The following TNFRSF1B variants were observed in gnomAD, a reference collection of about 807,000 sequenced individuals.
TNFRSF1B encodes TNF receptor superfamily member 1B, also known as tumor necrosis factor receptor superfamily member 1B.
A neutral mutation model predicts 44.6 loss-of-function variants in TNFRSF1B; 19 were observed. That is an observed-to-expected ratio of 0.43 (90% CI 0.30 to 0.62). The LOEUF (loss-of-function observed/expected upper bound fraction) is 0.62, where lower values mean the gene tolerates loss of function less well. TNFRSF1B is among the 20% of genes least tolerant of loss of function. The pLI, the probability that TNFRSF1B is intolerant of heterozygous loss-of-function variation, is 0.16. For synonymous variants in TNFRSF1B, 252 were observed against 261.1 expected, an observed-to-expected ratio of 0.97 and a Z score of 0.34; for missense variants, 541 against 619.9, an observed-to-expected ratio of 0.87 and a Z score of 1.35.
chr1:12,175,096 C>T (rs573592196), intron 1 of TNFRSF1B, among the ~76,000 whole-genome samples: 20 of 152,202 alleles, frequency 1.3e-4, no homozygotes, highest in African/African-American at 4.3e-4. Flanking sequence ...TGGAGGCAGG[C>T]GGGCTGTGGA....
At chr1:12,201,220 C>T (rs1639383911) in intron 8 of TNFRSF1B, among the ~76,000 whole-genome samples, 1 of 146,756 alleles carries the variant, frequency 6.8e-6, no homozygotes, top group Non-Finnish European at 1.5e-5. Flanking sequence ...ATGATTGTGC[C>T]ACTCCACTCC....
chr1:12,167,246 G>A (rs1033339531), intron 1 of TNFRSF1B, 77 bp downstream of exon 1: 95 of 1,103,110 alleles, frequency 8.6e-5, no homozygotes, highest in Non-Finnish European at 1.0e-4. Context: ...TCGGGTGCCC[G>A]GGCCGCGCTC....
At chr1:12,205,020 A>G (rs1030910586) in intron 9 of TNFRSF1B, among the ~76,000 whole-genome samples, 1 of 152,054 alleles carries the variant, frequency 6.6e-6, no homozygotes, top group Non-Finnish European at 1.5e-5. Context: ...TACTAAAAAA[A>G]TAAAAAAAAA....
chr1:12,201,835 G>C (rs1484991394), intron 8 of TNFRSF1B, 132 bp from the exon 9 acceptor site: 3 of 1,283,672 alleles, frequency 2.3e-6, no homozygotes, highest in African/African-American at 3.0e-5. Flanking sequence ...AACGTGCAAG[G>C]GTGGGCAGAA....
chr1:12,205,661 G>A (rs1410281528), intron 9 of TNFRSF1B, among the ~76,000 whole-genome samples: 1 of 152,076 alleles, frequency 6.6e-6, no homozygotes, highest in African/African-American at 2.4e-5. Flanking sequence ...TGGCTCTTTC[G>A]CCCAGGCTGG....
Position 12,169,038 on chromosome 1 carries a change from T to C in TNFRSF1B, c.78+1869T>C, listed in dbSNP as rs1638463304. 6.6e-6 allele frequency among the ~76,000 whole-genome samples: 1 copy of C among 152,214 alleles called. No individual in the cohort carries two copies. Among genetic ancestry groups the C allele is most frequent in the South Asian group, 2.1e-4 (1 of 4,834 alleles). Reference sequence around the variant, plus strand: ...GTCATTGTGCAAAAAGCATTGTCCGTGCCATCCCCTCTCCAAGGGACACTT... The same window carrying C: ...GTCATTGTGCAAAAAGCATTGTCCGCGCCATCCCCTCTCCAAGGGACACTT... On this transcript the variant is annotated intron_variant, in intron 1 of 9. Coordinates refer to ENST00000376259, the MANE Select transcript of TNFRSF1B (RefSeq NM_001066.3). This position sits in a 1 kb window ranked among gnomAD's most constrained non-coding sequence, Gnocchi z 4.5.
chr1:12,177,743 G>A lies in TNFRSF1B; in HGVS notation c.78+10574G>A, dbSNP rs1335587713. On this transcript the variant is annotated intron_variant, in intron 1 of 9. Coordinates refer to ENST00000376259, the MANE Select transcript of TNFRSF1B (RefSeq NM_001066.3). This position sits in a 1 kb window ranked among gnomAD's most constrained non-coding sequence, Gnocchi z 4.3. ...TGGGAGGCGGAGTTTGCAGTGAACC[G>A]AGATCGCGCCATTGCACTCCAGCCT... Among the ~76,000 whole-genome samples, 3 of 150,924 alleles carry A rather than the reference G, an allele frequency of 2.0e-5. No homozygotes were observed. The highest frequency in any genetic ancestry group is 4.4e-5 in the Non-Finnish European group (3 of 67,840).
Position 12,177,092 on chromosome 1 carries a change from T to A in TNFRSF1B, c.78+9923T>A, listed in dbSNP as rs1638676072. Among the ~76,000 whole-genome samples the A allele has an allele frequency of 6.6e-6, 1 of 152,158 alleles. No homozygotes were observed. Among genetic ancestry groups the A allele is most frequent in the African/African-American group, 2.4e-5 (1 of 41,444 alleles). ...ATCTTGGCTCACTGCAACCTCTGCC[T>A]TCTGAGTTCAAGCGATTCTCCCACC... On this transcript the variant is annotated intron_variant, in intron 1 of 9. Transcript: ENST00000376259. The surrounding 1 kb of genome is among the most constrained non-coding windows in gnomAD (Gnocchi z 4.3).
In TNFRSF1B at chr1:12,167,083, C is replaced by A; in HGVS notation, c.-9C>A. ...GAGGGCAGGGGGCAACCGGACCCCGCCCGCACCCATGGCGCCCGTCGCCGT... is the reference window on the plus strand; with the variant it reads ...GAGGGCAGGGGGCAACCGGACCCCGACCGCACCCATGGCGCCCGTCGCCGT... On this transcript the variant is annotated 5_prime_UTR_variant, in exon 1 of 10. Transcript: ENST00000376259. 7.6e-7 allele frequency: 1 copy of A among 1,321,462 alleles called. No individual in the cohort carries two copies. Among genetic ancestry groups the A allele is most frequent in the Non-Finnish European group, 9.7e-7 (1 of 1,033,776 alleles). The allele number at this position is 1,321,462 out of a possible 1,614,324, so 81.9% of individuals were successfully genotyped here. A position where few individuals can be genotyped will look rare whatever the true frequency, so the allele number is the denominator to read the frequency against.
At position 12,177,270 on chromosome 1, in the gene TNFRSF1B, G is replaced by A. The variant is rs552620312; in HGVS notation, c.78+10101G>A. Among the ~76,000 whole-genome samples, 1 of 152,200 alleles carries A rather than the reference G, an allele frequency of 6.6e-6. No individual in the cohort carries two copies. The highest frequency in any genetic ancestry group is 1.5e-5 in the Non-Finnish European group (1 of 68,036). On this transcript the variant is annotated intron_variant, in intron 1 of 9. Transcript: ENST00000376259. The surrounding 1 kb of genome is among the most constrained non-coding windows in gnomAD (Gnocchi z 4.3). ...GATCCACCTGCCTTGGCCTCCCAGA[G>A]TGCTGGGATTACAGGCGGGAGCCAC...
intron 6 of TNFRSF1B, 159 bp downstream of exon 6, chr1:12,193,257 C>T: frequency 1.4e-6 from 1 of 728,780 alleles, no homozygotes; most frequent in South Asian, 1.5e-5. Context: ...TCTCCCCACA[C>T]CTGGTGCTAT....
In TNFRSF1B at chr1:12,186,192, C is replaced by G. The variant is rs1489982533; in HGVS notation, c.79-2604C>G. ...TTGGCACCGAGGGGTGCAGCCAGGG[C>G]AGGGTGGTGCTGCCTGCCAGGCTGA... On this transcript the variant is annotated intron_variant, in intron 1 of 9. Transcript: ENST00000376259. This position sits in a 1 kb window ranked among gnomAD's most constrained non-coding sequence, Gnocchi z 4.8. Among the ~76,000 whole-genome samples, 1 of 152,154 alleles carries G rather than the reference C, an allele frequency of 6.6e-6. No individual in the cohort carries two copies. Among genetic ancestry groups the G allele is most frequent in the East Asian group, 1.9e-4 (1 of 5,190 alleles).
At chr1:12,191,620 C>T (rs1481852442) in intron 3 of TNFRSF1B, 154 bp from the exon 4 acceptor site, 1 of 861,388 alleles carries the variant, frequency 1.2e-6, no homozygotes, top group African/African-American at 1.7e-5. Context: ...CCGGTCCTGC[C>T]CCTGGACTCT....
chr1:12,167,273 C>A, intron 1 of TNFRSF1B, 104 bp downstream of exon 1: 1 of 925,234 alleles, frequency 1.1e-6, no homozygotes, highest in Non-Finnish European at 1.4e-6. Context: ...GGCGCTGTCA[C>A]GGGCTGGGAG....
At chr1:12,175,394 G>A (rs1197744669) in intron 1 of TNFRSF1B, among the ~76,000 whole-genome samples, 12 of 152,212 alleles carry the variant, frequency 7.9e-5, no homozygotes, top group Admixed American at 7.8e-4. Context: ...GCACTGCCAC[G>A]TCACCCAGCT....
chr1:12,188,284 A>T (rs1639031486), intron 1 of TNFRSF1B, among the ~76,000 whole-genome samples: 1 of 152,222 alleles, frequency 6.6e-6, no homozygotes, highest in Non-Finnish European at 1.5e-5. Context: ...TAGAGGGGTC[A>T]TAACCCACGT....
In TNFRSF1B at chr1:12,168,178, G is replaced by A. The variant is rs1374317416; in HGVS notation, c.78+1009G>A. Among the ~76,000 whole-genome samples the A allele has an allele frequency of 1.3e-5, 2 of 152,248 alleles. No homozygotes were observed. The highest frequency in any genetic ancestry group is 4.8e-5 in the African/African-American group (2 of 41,470). ...CGGCCCCTGTGCCCTGAGGCTGCGGGGAAGGTGGGCGTTCATCCTTCCTCA... is the reference window on the plus strand; with the variant it reads ...CGGCCCCTGTGCCCTGAGGCTGCGGAGAAGGTGGGCGTTCATCCTTCCTCA... On this transcript the variant is annotated intron_variant, in intron 1 of 9. Coordinates refer to ENST00000376259, the MANE Select transcript of TNFRSF1B (RefSeq NM_001066.3). The surrounding 1 kb of genome is among the most constrained non-coding windows in gnomAD (Gnocchi z 4.7).
In TNFRSF1B at chr1:12,193,977, C is replaced by T. The variant is rs1639210316; in HGVS notation, c.810C>T (p.Ala270=). 1 of 1,614,004 alleles carries T rather than the reference C, an allele frequency of 6.2e-7. No individual in the cohort carries two copies. Among genetic ancestry groups the T allele is most frequent in the African/African-American group, 1.3e-5 (1 of 74,990 alleles). The change falls in exon 7 of 10, where the codon GCC becomes GCT. Residue 270 remains alanine (A), a synonymous_variant. Transcript: ENST00000376259. ...TAGGACTGATTGTGGGTGTGACAGC[C>T]TTGGGTCTACTAATAATAGGAGTGG... is the stretch of plus-strand genomic sequence containing the variant. The part of the protein sequence containing the change: ...LPVGLIVGVT[A]LGLLIIGVVN...
rs1208865941 is a variant in TNFRSF1B at position 12,202,051 on chromosome 1, AGCTCC to A, written c.986_990del (p.Ser329ThrfsTer59). 1 of 1,609,426 alleles carries A rather than the reference AGCTCC, an allele frequency of 6.2e-7. No individual in the cohort carries two copies. On this transcript the variant is annotated frameshift_variant, in exon 9 of 10. Transcript: ENST00000376259. LOFTEE classifies it high-confidence loss of function. ...GATCACAGCGCCGAGCTCCAGCAGC[AGCTCC>A]CTGGAGAGCTCGGCCAGTGCGTTGG...
Sources: gnomAD v4.1 joint callset for allele counts (sites outside exome capture counted in the v4.1 genomes callset) on GRCh38, gnomAD v4.1.1 for gene constraint, Gnocchi (gnomAD v3.1) non-coding constraint, MANE v1.5 for transcripts, NCBI Gene and HGNC (gene_info 2026-07-23, HGNC 2026-07-21) for gene names.